TMEM132D: variants seen among roughly 807,000 people sequenced by gnomAD.
TMEM132D encodes mature OL transmembrane protein.
A neutral mutation model predicts 62.3 loss-of-function variants in TMEM132D; 21 were observed. The ratio of observed to expected loss-of-function variants is 0.34; its 90% CI spans 0.24 to 0.49. The LOEUF is 0.49. Ranked by LOEUF, TMEM132D falls within the 20% of genes least tolerant of loss-of-function variation. The pLI is 0.99. For missense variants in TMEM132D, 1,346 were observed against 1,402.8 expected (o/e 0.96, Z 0.65); for synonymous variants, 621 against 575.6 (o/e 1.08, Z -1.13).
intron 5 of TMEM132D, among the ~76,000 whole-genome samples, chr12:129,188,251 G>A (rs979738602): frequency 5.7e-4 from 87 of 152,266 alleles, no homozygotes; most frequent in African/African-American, 2.0e-3. Context: ...CTGTTGCCTT[G>A]TTAGCAGGTC....
intron 2 of TMEM132D, among the ~76,000 whole-genome samples, chr12:129,607,786 G>C (rs1384097859): frequency 6.6e-6 from 1 of 152,200 alleles, no homozygotes; most frequent in Non-Finnish European, 1.5e-5. Context: ...AGTACCTGTA[G>C]ATTTCATACC....
At chr12:129,545,705 C>T (rs1876713602) in intron 2 of TMEM132D, among the ~76,000 whole-genome samples, 1 of 152,200 alleles carries the variant, frequency 6.6e-6, no homozygotes, top group African/African-American at 2.4e-5. Flanking sequence ...CTGAAAGCAT[C>T]CGTTTAGGTG....
At chr12:129,358,203 G>A (rs1299347677) in intron 3 of TMEM132D, among the ~76,000 whole-genome samples, 9 of 152,234 alleles carry the variant, frequency 5.9e-5, no homozygotes, top group Admixed American at 3.3e-4. Flanking sequence ...GAGCCAAGTC[G>A]TGCTGCACAT....
intron 1 of TMEM132D, among the ~76,000 whole-genome samples, chr12:129,863,268 C>T (rs764133542): frequency 6.6e-6 from 1 of 151,948 alleles, no homozygotes; most frequent in Non-Finnish European, 1.5e-5. Flanking sequence ...AGCCAGCCAC[C>T]CCCACCCCCA....
intron 1 of TMEM132D, among the ~76,000 whole-genome samples, chr12:129,862,338 G>T (rs138868536): frequency 0.015 from 2,318 of 152,352 alleles, 24 homozygotes; most frequent in Non-Finnish European, 0.023. Context: ...CCTTGCTGGG[G>T]CTGGCTGAGG....
At chr12:129,439,386 C>G (rs1872877310) in intron 3 of TMEM132D, among the ~76,000 whole-genome samples, 1 of 152,150 alleles carries the variant, frequency 6.6e-6, no homozygotes, top group African/African-American at 2.4e-5. Context: ...CTATTCTGTT[C>G]TCAATGTCCA....
In TMEM132D at chr12:129,539,314, C is replaced by T. The variant is rs1035725132; in HGVS notation, c.969-8109G>A. Among the ~76,000 whole-genome samples the T allele has an allele frequency of 3.3e-5, 5 of 151,866 alleles. No homozygotes were observed. In the South Asian group the frequency reaches 1.0e-3, roughly 32 times the overall value. ...TGGCACGACCTCGGCTCACTGCAAC[C>T]TCTGCATCCCAGGCTCCAGTGATCC... On this transcript the variant is annotated intron_variant, in intron 2 of 8. Transcript: ENST00000422113.
chr12:129,871,065 C>A (rs184633144), intron 1 of TMEM132D, among the ~76,000 whole-genome samples: 2 of 152,234 alleles, frequency 1.3e-5, no homozygotes, highest in Admixed American at 1.3e-4. Context: ...GTGAAATGTG[C>A]CCATTTCCCT....
intron 5 of TMEM132D, among the ~76,000 whole-genome samples, chr12:129,129,462 T>C (rs1363028143): frequency 1.3e-5 from 2 of 152,208 alleles, no homozygotes; most frequent in African/African-American, 4.8e-5. Context: ...AGAGTGCATA[T>C]GTCATGTTGG....
chr12:129,270,451 A>G (rs79231633), intron 4 of TMEM132D, among the ~76,000 whole-genome samples: 17,821 of 152,256 alleles, frequency 0.12, 1,320 homozygotes, highest in South Asian at 0.17. Context: ...GGATGGCATT[A>G]GTGTGTCATG....
At chr12:129,565,800 T>C (rs547698269) in intron 2 of TMEM132D, among the ~76,000 whole-genome samples, 2 of 152,214 alleles carry the variant, frequency 1.3e-5, no homozygotes, top group Non-Finnish European at 2.9e-5. Flanking sequence ...CTGATTGGTC[T>C]CTTGGTCGAA....
intron 1 of TMEM132D, among the ~76,000 whole-genome samples, chr12:129,817,947 G>A (rs1351915652): frequency 2.7e-5 from 4 of 149,412 alleles, no homozygotes; most frequent in Non-Finnish European, 5.9e-5. Context: ...GTGTGTGTGT[G>A]TGGTGTGAGG....
intron 3 of TMEM132D, among the ~76,000 whole-genome samples, chr12:129,341,220 T>A (rs1869469675): frequency 6.6e-6 from 1 of 152,238 alleles, no homozygotes; most frequent in South Asian, 2.1e-4. Flanking sequence ...GTACATGTCC[T>A]GAAAATGGTG....
intron 3 of TMEM132D, among the ~76,000 whole-genome samples, chr12:129,479,087 C>G (rs1874355252): frequency 6.6e-6 from 1 of 152,132 alleles, no homozygotes; most frequent in Non-Finnish European, 1.5e-5. Context: ...ATCTGCAGTA[C>G]CCAGTGTTCA....
Position 129,086,666 on chromosome 12 carries a change from TATA to T in TMEM132D, c.1444-1967_1444-1965del, listed in dbSNP as rs538593216. Among the ~76,000 whole-genome samples the T allele has an allele frequency of 4.0e-4, 57 of 143,832 alleles. 1 individual carries two copies. In the South Asian group the frequency reaches 6.6e-3, roughly 17 times the overall value. The allele number at this position is 143,832 out of a possible 152,430, so 94.4% of individuals were successfully genotyped here. A position where few individuals can be genotyped will look rare whatever the true frequency, so the allele number is the denominator to read the frequency against. ...TTATATATACATACTATATACAACA[TATA>T]ATATATAATACAAATTTGTATCATA... is the stretch of plus-strand genomic sequence containing the variant. On this transcript the variant is annotated intron_variant, in intron 5 of 8. Transcript: ENST00000422113.
At chr12:129,605,287 G>A (rs367822461) in intron 2 of TMEM132D, among the ~76,000 whole-genome samples, 1 of 151,808 alleles carries the variant, frequency 6.6e-6, no homozygotes, top group East Asian at 1.9e-4. Flanking sequence ...GTTTTACCAC[G>A]GTATTGTAGA....
intron 1 of TMEM132D, among the ~76,000 whole-genome samples, chr12:129,873,735 C>G (rs972625992): frequency 2.6e-5 from 1 of 38,528 alleles, no homozygotes; most frequent in Non-Finnish European, 1.1e-4. Context: ...CAAAACTATG[C>G]CCTTTGTTTT....
chr12:129,343,361 G>A (rs1203246168), intron 3 of TMEM132D, among the ~76,000 whole-genome samples: 2 of 151,528 alleles, frequency 1.3e-5, no homozygotes, highest in Non-Finnish European at 2.9e-5. Context: ...TCACTCATAG[G>A]TGGGAACTGA....
In TMEM132D at chr12:129,480,435, G is replaced by C. The variant is rs538756872; in HGVS notation, c.1115+50624C>G. 4.6e-5 allele frequency among the ~76,000 whole-genome samples: 7 copies of C among 152,328 alleles called. No individual in the cohort carries two copies. The South Asian group carries it at 1.4e-3, about 32-fold the overall frequency. ...TGCTGTGTTGGGACTCAAATGCAGG[G>C]AGCAGACAGGGAAGGACAAAGCTCA... is the stretch of plus-strand genomic sequence containing the variant. On this transcript the variant is annotated intron_variant, in intron 3 of 8. Coordinates refer to ENST00000422113, the MANE Select transcript of TMEM132D (RefSeq NM_133448.3).
Sources: allele counts gnomAD v4.1 joint callset (sites outside exome capture counted in the v4.1 genomes callset), GRCh38; gene constraint gnomAD v4.1.1; transcripts MANE v1.5; gene names NCBI Gene and HGNC (gene_info 2026-07-23, HGNC 2026-07-21).